Variants in MEIS2 observed in about 807,000 individuals in gnomAD.
The protein encoded by MEIS2 is homeobox protein Meis2.
In MEIS2, 9 loss-of-function variants were observed where a neutral mutation model predicts 58.6. The ratio of observed to expected loss-of-function variants is 0.15; its 90% CI spans 0.09 to 0.27. MEIS2 has a LOEUF of 0.27. MEIS2 is among the 10% of genes least tolerant of loss of function. MEIS2 has a pLI of 1.00. For missense variants in MEIS2, 427 were observed against 635.0 expected, an observed-to-expected ratio of 0.67 and a Z score of 3.52; for synonymous variants, 221 against 228.4, an observed-to-expected ratio of 0.97 and a Z score of 0.29.
chr15:36,960,496 G>C (rs922026347), intron 8 of MEIS2, among the ~76,000 whole-genome samples: 14 of 152,000 alleles, frequency 9.2e-5, no homozygotes, highest in African/African-American at 3.1e-4. Context: ...TCAATCAGGA[G>C]GGCTAGGAAA....
At chr15:36,912,587 G>C (rs1006874468) in intron 9 of MEIS2, among the ~76,000 whole-genome samples, 3 of 152,014 alleles carry the variant, frequency 2.0e-5, no homozygotes, top group Non-Finnish European at 2.9e-5. Flanking sequence ...AGAAGGGATG[G>C]GCAAGCCACA....
intron 8 of MEIS2, among the ~76,000 whole-genome samples, chr15:37,014,299 C>G (rs950881937): frequency 1.3e-5 from 2 of 152,148 alleles, no homozygotes; most frequent in South Asian, 4.1e-4. Context: ...CAAACTAATT[C>G]TCAAAGCCCA....
intron 8 of MEIS2, among the ~76,000 whole-genome samples, chr15:36,972,649 G>A (rs556088750): frequency 3.3e-5 from 5 of 152,204 alleles, no homozygotes; most frequent in African/African-American, 1.2e-4. Flanking sequence ...AGTGTACTCT[G>A]ATATGATTCA....
At chr15:37,071,632 T>C (rs910766536) in intron 7 of MEIS2, among the ~76,000 whole-genome samples, 8 of 152,140 alleles carry the variant, frequency 5.3e-5, no homozygotes, top group African/African-American at 1.9e-4. Flanking sequence ...AATCACCTCA[T>C]TTAATCCCTA....
intron 8 of MEIS2, among the ~76,000 whole-genome samples, chr15:36,998,247 T>TTTC (rs2060599180): frequency 6.8e-6 from 1 of 146,044 alleles, no homozygotes; most frequent in Non-Finnish European, 1.5e-5. Flanking sequence ...TTTTTTTTTT[T>TTTC]TTTTTTTTTT....
intron 8 of MEIS2, among the ~76,000 whole-genome samples, chr15:36,985,495 T>C (rs1218276826): frequency 1.3e-5 from 2 of 152,204 alleles, no homozygotes; most frequent in Non-Finnish European, 2.9e-5. Context: ...TGATCTTTTC[T>C]GGATCTTGAA....
chr15:37,050,351 T>C (rs2062862218), intron 7 of MEIS2, among the ~76,000 whole-genome samples: 1 of 152,226 alleles, frequency 6.6e-6, no homozygotes, highest in Admixed American at 6.5e-5. Context: ...AATGAATGGA[T>C]GGAGGGCTCT....
intron 8 of MEIS2, among the ~76,000 whole-genome samples, chr15:37,004,932 C>T (rs2060861978): frequency 6.6e-6 from 1 of 150,794 alleles, no homozygotes; most frequent in African/African-American, 2.4e-5. Flanking sequence ...TATGCATGTA[C>T]CAAAATACCA....
chr15:36,986,391 A>C (rs1242344976), intron 8 of MEIS2, among the ~76,000 whole-genome samples: 1 of 152,198 alleles, frequency 6.6e-6, no homozygotes. Context: ...ATTAGGGAGC[A>C]CTAGAGGAAG....
intron 7 of MEIS2, among the ~76,000 whole-genome samples, chr15:37,049,337 T>A (rs184038596): frequency 6.6e-6 from 1 of 152,298 alleles, no homozygotes; most frequent in Non-Finnish European, 1.5e-5. Flanking sequence ...TTTGGGGTGA[T>A]GAAAATGTCC....
chr15:37,098,178 C>T lies in MEIS2; in HGVS notation c.34G>A (p.Gly12Ser). The T allele has an allele frequency of 6.2e-7, 1 of 1,604,262 alleles. No individual in the cohort carries two copies. Among genetic ancestry groups the T allele is most frequent in the South Asian group, 1.1e-5 (1 of 89,804 alleles). The change falls in exon 2 of 12, where the codon GGC becomes AGC. Residue 12 changes from glycine (G) to serine (S), a missense_variant. Gly to Ser is a moderately conservative substitution (Grantham distance 56, BLOSUM62 0). This residue lies in a region of MEIS2 where 103 missense variants were observed against 111.8 expected (regional missense o/e 0.92). Transcript: ENST00000561208. Reference sequence around the variant, plus strand: ...GGAACCCCTACTCCGTCCATCCCGCCGTAATGGGGCAGCTCATCGTACTGT... The same window carrying T: ...GGAACCCCTACTCCGTCCATCCCGCTGTAATGGGGCAGCTCATCGTACTGT... ...AQRYDELPHY[G>S]GMDGVGVPAS...
Position 36,892,354 on chromosome 15 carries a change from T to C in MEIS2, c.1253A>G (p.Gln418Arg). 1 of 1,613,832 alleles carries C rather than the reference T, an allele frequency of 6.2e-7. No homozygotes were observed. Among genetic ancestry groups the C allele is most frequent in the South Asian group, 1.1e-5 (1 of 91,036 alleles). Reference sequence around the variant, plus strand: ...ATGCATTGGGGGTCCATGTCTTAATTGAGTAGGGTGTGGGGTCATCTGGGG... The same window carrying C: ...ATGCATTGGGGGTCCATGTCTTAATCGAGTAGGGTGTGGGGTCATCTGGGG... ...TPPQMTPHPT[Q>R]LRHGPPMHSY... The change falls in exon 12 of 12, where the codon CAA becomes CGA. Residue 418 changes from glutamine (Q) to arginine (R), a missense_variant. Physicochemically the swap from Gln to Arg is conservative, Grantham distance 43 (BLOSUM62 1). This residue lies in a region of MEIS2 where 154 missense variants were observed against 148.1 expected (regional missense o/e 1.04). Coordinates refer to ENST00000561208, the MANE Select transcript of MEIS2 (RefSeq NM_170675.5).
chr15:36,968,473 T>C (rs2059426638), intron 8 of MEIS2, among the ~76,000 whole-genome samples: 1 of 152,108 alleles, frequency 6.6e-6, no homozygotes, highest in Non-Finnish European at 1.5e-5. Flanking sequence ...GAGAGCTGCC[T>C]AGGAGAAGAG....
chr15:37,069,384 A>G (rs1297457416), intron 7 of MEIS2, among the ~76,000 whole-genome samples: 1 of 152,232 alleles, frequency 6.6e-6, no homozygotes, highest in Non-Finnish European at 1.5e-5. Context: ...GCTAACTGCT[A>G]TGAAGCGTTC....
chr15:37,093,053 G>A (rs1893740262), intron 6 of MEIS2, among the ~76,000 whole-genome samples: 1 of 152,154 alleles, frequency 6.6e-6, no homozygotes. Flanking sequence ...CAAAAGCCCT[G>A]AGAATTGTAA....
chr15:36,993,717 C>G lies in MEIS2; in HGVS notation c.900+43097G>C, dbSNP rs559917660. Among the ~76,000 whole-genome samples the G allele has an allele frequency of 1.6e-4, 25 of 152,244 alleles. No homozygotes were observed. The South Asian group carries it at 5.2e-3, about 32-fold the overall frequency. ...ATCTTAAAAGTCAAACTCATGTAATCCATTATAACTGAATCTACAAATGTC... is the reference window on the plus strand; with the variant it reads ...ATCTTAAAAGTCAAACTCATGTAATGCATTATAACTGAATCTACAAATGTC... On this transcript the variant is annotated intron_variant, in intron 8 of 11. Coordinates refer to ENST00000561208, the MANE Select transcript of MEIS2 (RefSeq NM_170675.5).
At chr15:37,083,557 A>G (rs1168181324) in intron 7 of MEIS2, among the ~76,000 whole-genome samples, 1 of 152,194 alleles carries the variant, frequency 6.6e-6, no homozygotes, top group Non-Finnish European at 1.5e-5. Context: ...TGTTATTGTA[A>G]TGCCTACTTA....
chr15:37,075,932 C>T (rs1427847176), intron 7 of MEIS2, among the ~76,000 whole-genome samples: 1 of 151,796 alleles, frequency 6.6e-6, no homozygotes, highest in African/African-American at 2.4e-5. Context: ...TTCCAGCAAG[C>T]TGAGGAAACT....
intron 8 of MEIS2, among the ~76,000 whole-genome samples, chr15:37,013,135 A>G (rs778080085): frequency 3.3e-5 from 5 of 152,218 alleles, no homozygotes; most frequent in Admixed American, 2.0e-4. Context: ...CATGGAGTCC[A>G]GGAGAATCCT....
Sources: gnomAD v4.1 joint callset for allele counts (sites outside exome capture counted in the v4.1 genomes callset) on GRCh38, gnomAD v4.1.1 for gene constraint, gnomAD v4.1.1 regional missense constraint, MANE v1.5 for transcripts, NCBI Gene and HGNC (gene_info 2026-07-23, HGNC 2026-07-21) for gene names.